The following GPC6 variants were observed in gnomAD, a reference collection of about 807,000 sequenced individuals.
GPC6 encodes glypican 6.
GPC6 carries 14 observed loss-of-function variants against 55.2 expected under a neutral mutation model. The observed-to-expected ratio is 0.25, with a 90% CI of 0.17 to 0.40. The LOEUF (loss-of-function observed/expected upper bound fraction) is 0.40, where lower values mean the gene tolerates loss of function less well. Ranked by LOEUF, GPC6 falls within the 10% of genes least tolerant of loss-of-function variation. The pLI is 1.00. For missense variants in GPC6, 641 were observed against 708.5 expected (o/e 0.90, Z 1.08); for synonymous variants, 278 against 259.6 (o/e 1.07, Z -0.68).
intron 4 of GPC6, among the ~76,000 whole-genome samples, chr13:94,255,013 T>C (rs1891462746): frequency 6.6e-6 from 1 of 152,212 alleles, no homozygotes; most frequent in Admixed American, 6.5e-5. Context: ...TTTTCATCAA[T>C]GTTTAAGAAG....
At chr13:93,255,833 T>C (rs761965957) in intron 1 of GPC6, among the ~76,000 whole-genome samples, 1 of 152,148 alleles carries the variant, frequency 6.6e-6, no homozygotes, top group African/African-American at 2.4e-5. Flanking sequence ...ATACAAATTT[T>C]CTTGTGATCT....
At chr13:93,444,195 C>CTTATTT (rs755978023) in intron 1 of GPC6, among the ~76,000 whole-genome samples, 1 of 110,680 alleles carries the variant, frequency 9.0e-6, no homozygotes, top group African/African-American at 3.3e-5. Context: ...TGCAATTCTT[C>CTTATTT]TTTTTTTTTT....
intron 3 of GPC6, among the ~76,000 whole-genome samples, chr13:93,882,014 A>G (rs1030997884): frequency 3.9e-5 from 6 of 152,128 alleles, no homozygotes; most frequent in Admixed American, 3.9e-4. Context: ...CAATCAAAAC[A>G]TGGTTTTCCC....
intron 1 of GPC6, among the ~76,000 whole-genome samples, chr13:93,540,168 C>T (rs1026220586): frequency 1.3e-5 from 2 of 152,082 alleles, no homozygotes; most frequent in Non-Finnish European, 2.9e-5. Context: ...TTCTAAAGGT[C>T]AAGGGCTGCT....
At chr13:93,263,628 G>C (rs902655478) in intron 1 of GPC6, among the ~76,000 whole-genome samples, 3 of 152,106 alleles carry the variant, frequency 2.0e-5, no homozygotes, top group African/African-American at 2.4e-5. Context: ...GCCTCCCAAA[G>C]TGCTGGGATT....
chr13:94,403,724 TC>T lies in GPC6; in HGVS notation c.*509del. The T allele has an allele frequency of 5.2e-6, 1 of 194,038 alleles. No individual in the cohort carries two copies. The highest frequency in any genetic ancestry group is 1.3e-4 in the East Asian group (1 of 7,658). 12.0% of individuals were successfully genotyped at this position (194,038 alleles called of 1,614,324 possible). A position where few individuals can be genotyped will look rare whatever the true frequency, so the allele number is the denominator to read the frequency against. On this transcript the variant is annotated 3_prime_UTR_variant, in exon 9 of 9. Transcript: ENST00000377047. ...CCAGTGTAAGCTTTTTTGTGACAAA[TC>T]CGGGTTTAAAAATGCTTATGGGGAG...
At chr13:93,799,246 G>C (rs1415001221) in intron 2 of GPC6, among the ~76,000 whole-genome samples, 1 of 152,106 alleles carries the variant, frequency 6.6e-6, no homozygotes. Context: ...AAATGTCATA[G>C]TTGTGTTAGG....
chr13:93,572,616 A>T lies in GPC6; in HGVS notation c.319+27195A>T, dbSNP rs984565797. On this transcript the variant is annotated intron_variant, in intron 2 of 8. Transcript: ENST00000377047. ...AGCTTCAAGGAGTATTTAGAAACTTATATTATTCCATAGAAAAATAAAAAC... is the reference window on the plus strand; with the variant it reads ...AGCTTCAAGGAGTATTTAGAAACTTTTATTATTCCATAGAAAAATAAAAAC... Among the ~76,000 whole-genome samples the T allele has an allele frequency of 1.3e-4, 20 of 152,188 alleles. No individual in the cohort carries two copies. In the South Asian group the frequency reaches 1.4e-3, roughly 11 times the overall value.
chr13:93,647,047 A>G (rs191763140), intron 2 of GPC6, among the ~76,000 whole-genome samples: 21 of 152,266 alleles, frequency 1.4e-4, no homozygotes, highest in Admixed American at 4.6e-4. Flanking sequence ...ATATTAATGG[A>G]GACATCAAGA....
chr13:93,401,296 C>T (rs1327307500), intron 1 of GPC6, among the ~76,000 whole-genome samples: 1 of 151,706 alleles, frequency 6.6e-6, no homozygotes, highest in Non-Finnish European at 1.5e-5. Flanking sequence ...GGGACCAGAC[C>T]ACAGTGAGGA....
intron 3 of GPC6, among the ~76,000 whole-genome samples, chr13:93,957,480 G>T (rs1879560606): frequency 6.6e-6 from 1 of 152,106 alleles, no homozygotes; most frequent in Non-Finnish European, 1.5e-5. Context: ...GAGGTATTTG[G>T]CTTTCTGTTC....
At chr13:94,232,821 G>T (rs1482543472) in intron 4 of GPC6, among the ~76,000 whole-genome samples, 1 of 151,964 alleles carries the variant, frequency 6.6e-6, no homozygotes, top group Non-Finnish European at 1.5e-5. Context: ...CAAGGTGGAG[G>T]CCTTGGAGGA....
At chr13:93,383,111 C>A (rs1445863480) in intron 1 of GPC6, among the ~76,000 whole-genome samples, 2 of 152,162 alleles carry the variant, frequency 1.3e-5, no homozygotes, top group African/African-American at 4.8e-5. Context: ...TAAATGTTTG[C>A]TTGAGGAGTG....
At chr13:94,068,658 C>CGGCCATTGCAAAT (rs1258684083) in intron 4 of GPC6, among the ~76,000 whole-genome samples, 2 of 152,156 alleles carry the variant, frequency 1.3e-5, no homozygotes, top group East Asian at 1.9e-4. Context: ...TGGGTAAATA[C>CGGCCATTGCAAAT]GGCCATTGCA....
intron 2 of GPC6, among the ~76,000 whole-genome samples, chr13:93,585,242 C>G (rs978910568): frequency 6.6e-6 from 1 of 152,006 alleles, no homozygotes; most frequent in Non-Finnish European, 1.5e-5. Context: ...AGCTTTTCTC[C>G]TTTTATGAAA....
chr13:93,507,781 A>G (rs959656130), intron 1 of GPC6, among the ~76,000 whole-genome samples: 1 of 152,130 alleles, frequency 6.6e-6, no homozygotes, highest in African/African-American at 2.4e-5. Context: ...CTCTTTATTG[A>G]CAGGAGGGAA....
chr13:93,910,563 T>C (rs1395448817), intron 3 of GPC6, among the ~76,000 whole-genome samples: 1 of 152,052 alleles, frequency 6.6e-6, no homozygotes, highest in Non-Finnish European at 1.5e-5. Context: ...AATCACTTGG[T>C]ATATTTTTAT....
chr13:94,155,829 C>G (rs918118090), intron 4 of GPC6, among the ~76,000 whole-genome samples: 7 of 152,120 alleles, frequency 4.6e-5, no homozygotes, highest in Non-Finnish European at 1.0e-4. Context: ...TCTGCCACAC[C>G]CCCACCCATA....
At chr13:93,568,225 C>G (rs1342966418) in intron 2 of GPC6, among the ~76,000 whole-genome samples, 2 of 152,116 alleles carry the variant, frequency 1.3e-5, no homozygotes, top group Non-Finnish European at 1.5e-5. Flanking sequence ...ATTTTTTATT[C>G]CACTTTTAGA....
Sources: allele counts gnomAD v4.1 joint callset (sites outside exome capture counted in the v4.1 genomes callset), GRCh38; gene constraint gnomAD v4.1.1; transcripts MANE v1.5; gene names NCBI Gene and HGNC (gene_info 2026-07-23, HGNC 2026-07-21).